Variants in CSMD1 observed in about 807,000 individuals in gnomAD.
The protein encoded by CSMD1 is CUB and sushi domain-containing protein 1.
Under a neutral mutation model 417.5 loss-of-function variants are expected in CSMD1, and 213 were observed. The observed-to-expected ratio is 0.51, with a 90% CI of 0.46 to 0.57. CSMD1 has a LOEUF of 0.57. CSMD1 is among the 20% of genes least tolerant of loss of function. The pLI, the probability that CSMD1 is intolerant of heterozygous loss-of-function variation, is 0.00. For synonymous variants in CSMD1, 2,862 were observed against 1,736.8 expected (o/e 1.65, Z -16.11); for missense variants, 6,923 against 4,529.7 (o/e 1.53, Z -15.17).
intron 3 of CSMD1, among the ~76,000 whole-genome samples, chr8:4,166,687 C>G (rs567756916): frequency 5.9e-5 from 9 of 152,026 alleles, no homozygotes; most frequent in Non-Finnish European, 1.2e-4. Context: ...GCACCAAAAT[C>G]AAGAAAATCA....
At chr8:3,642,265 T>G (rs1368305899) in intron 7 of CSMD1, among the ~76,000 whole-genome samples, 1 of 151,770 alleles carries the variant, frequency 6.6e-6, no homozygotes, top group Non-Finnish European at 1.5e-5. Flanking sequence ...TCTTAAGGAC[T>G]TGACTAATAG....
intron 1 of CSMD1, among the ~76,000 whole-genome samples, chr8:4,808,565 C>T (rs767933269): frequency 6.6e-6 from 1 of 152,100 alleles, no homozygotes. Flanking sequence ...TAATATGTTC[C>T]TAGACACTTA....
intron 5 of CSMD1, among the ~76,000 whole-genome samples, chr8:3,952,700 A>G (rs1811670681): frequency 6.6e-6 from 1 of 152,234 alleles, no homozygotes; most frequent in African/African-American, 2.4e-5. Context: ...AGCATTGTGA[A>G]TACACTAGAT....
chr8:3,861,196 G>A (rs1804681981), intron 5 of CSMD1, among the ~76,000 whole-genome samples: 2 of 152,126 alleles, frequency 1.3e-5, no homozygotes, highest in African/African-American at 2.4e-5. Context: ...TCTTGGCAAC[G>A]AGGTTCAGTT....
At chr8:4,881,414 T>A (rs1309674533) in intron 1 of CSMD1, among the ~76,000 whole-genome samples, 4 of 32,380 alleles carry the variant, frequency 1.2e-4, no homozygotes, top group African/African-American at 2.6e-4. Flanking sequence ...AGTATACATA[T>A]CTATCTATCT....
intron 37 of CSMD1, among the ~76,000 whole-genome samples, chr8:3,164,422 A>T (rs1820087481): frequency 6.6e-6 from 1 of 152,244 alleles, no homozygotes; most frequent in Admixed American, 6.5e-5. Flanking sequence ...ATAGAAGATA[A>T]AACTGCTAAA....
At chr8:3,992,889 G>A (rs546673330) in intron 5 of CSMD1, among the ~76,000 whole-genome samples, 2 of 152,360 alleles carry the variant, frequency 1.3e-5, no homozygotes, top group South Asian at 2.1e-4. Flanking sequence ...CGATGTCACT[G>A]CTTTTCCAAA....
chr8:4,742,922 T>A (rs1810717646), intron 1 of CSMD1, among the ~76,000 whole-genome samples: 1 of 152,108 alleles, frequency 6.6e-6, no homozygotes, highest in South Asian at 2.1e-4. Context: ...TGAAAATAAA[T>A]TGTAAAAATG....
intron 61 of CSMD1, among the ~76,000 whole-genome samples, chr8:2,962,179 G>T (rs529718178): frequency 6.6e-6 from 1 of 152,220 alleles, no homozygotes; most frequent in South Asian, 2.1e-4. Flanking sequence ...CCTAAACAAT[G>T]CAATTGGCAG....
chr8:4,601,504 G>A (rs543434622), intron 2 of CSMD1, among the ~76,000 whole-genome samples: 6 of 152,260 alleles, frequency 3.9e-5, no homozygotes, highest in African/African-American at 1.4e-4. Context: ...GAATAGACAA[G>A]GAGGGACAGA....
intron 25 of CSMD1, among the ~76,000 whole-genome samples, chr8:3,296,352 C>A (rs1280381901): frequency 6.6e-6 from 1 of 151,828 alleles, no homozygotes; most frequent in Non-Finnish European, 1.5e-5. Flanking sequence ...GCAGCAAGAA[C>A]AGAGGAAGGG....
At chr8:3,541,508 G>A (rs183846187) in intron 10 of CSMD1, among the ~76,000 whole-genome samples, 1 of 151,304 alleles carries the variant, frequency 6.6e-6, no homozygotes, top group East Asian at 1.9e-4. Flanking sequence ...TGCACCTCCT[G>A]CACATCTATT....
At chr8:4,893,620 T>C (rs954267488) in intron 1 of CSMD1, among the ~76,000 whole-genome samples, 1 of 152,182 alleles carries the variant, frequency 6.6e-6, no homozygotes, top group Non-Finnish European at 1.5e-5. Context: ...CAATAAGATA[T>C]GCTAATTTGC....
chr8:3,734,582 G>A (rs763844292), intron 6 of CSMD1, among the ~76,000 whole-genome samples: 1 of 152,102 alleles, frequency 6.6e-6, no homozygotes, highest in South Asian at 2.1e-4. Context: ...CTGGTGGCGG[G>A]CACCTATAAT....
At chr8:3,089,121 G>C (rs1025504698) in intron 48 of CSMD1, among the ~76,000 whole-genome samples, 2 of 152,186 alleles carry the variant, frequency 1.3e-5, no homozygotes, top group Admixed American at 1.3e-4. Flanking sequence ...CTGGAGCAGG[G>C]GCCCTGCCAG....
chr8:4,227,647 T>C (rs537820101), intron 3 of CSMD1, among the ~76,000 whole-genome samples: 4 of 152,116 alleles, frequency 2.6e-5, no homozygotes, highest in East Asian at 1.9e-4. Flanking sequence ...CTACCAATCA[T>C]TGCCAGTGAT....
chr8:3,762,439 G>A (rs542476273), intron 5 of CSMD1, among the ~76,000 whole-genome samples: 2 of 152,172 alleles, frequency 1.3e-5, no homozygotes, highest in African/African-American at 2.4e-5. Context: ...ACCCTTTGCA[G>A]ACATTTTCAA....
intron 1 of CSMD1, among the ~76,000 whole-genome samples, chr8:4,785,788 G>T (rs553286063): frequency 6.6e-6 from 1 of 152,128 alleles, no homozygotes; most frequent in Admixed American, 6.5e-5. Flanking sequence ...AACCTTATAA[G>T]ATATAAGTGT....
intron 6 of CSMD1, among the ~76,000 whole-genome samples, chr8:3,734,897 C>A (rs1796449531): frequency 6.6e-6 from 1 of 152,124 alleles, no homozygotes. Context: ...AAGCAATTTT[C>A]CGTTTCCAGT....
Sources: gnomAD v4.1 joint callset for allele counts (sites outside exome capture counted in the v4.1 genomes callset) on GRCh38, gnomAD v4.1.1 for gene constraint, MANE v1.5 for transcripts, NCBI Gene and HGNC (gene_info 2026-07-23, HGNC 2026-07-21) for gene names.